CERK: variants seen among roughly 807,000 people sequenced by gnomAD.
CERK encodes ceramide kinase, also known as acylsphingosine kinase.
CERK carries 39 observed loss-of-function variants against 63.4 expected under a neutral mutation model. The ratio of observed to expected loss-of-function variants is 0.61; its 90% confidence interval spans 0.48 to 0.80. The LOEUF (loss-of-function observed/expected upper bound fraction) is 0.80. CERK is among the 30% of genes least tolerant of loss of function. The probability of loss-of-function intolerance (pLI) is 0.00; values close to 1 mark genes in which losing one functional copy is unlikely to be tolerated. For missense variants in CERK, 670 were observed against 714.1 expected (o/e 0.94, Z 0.70); for synonymous variants, 302 against 280.0 (o/e 1.08, Z -0.78).
chr22:46,717,262 A>G (rs1410350530), intron 3 of CERK, among the ~76,000 whole-genome samples: 3 of 152,142 alleles, frequency 2.0e-5, no homozygotes, highest in African/African-American at 7.2e-5. Flanking sequence ...CCTACAACCC[A>G]GCGACTCCAT....
At position 46,686,090 on chromosome 22, in the gene CERK, C is replaced by G. The variant is rs554098955; in HGVS notation, c.*1044G>C. ...TCCTCTGGTCGCCGGAGCCCTCGCG[C>G]TGCAGAGGAAACCAGCGATCCATCG... On this transcript the variant is annotated 3_prime_UTR_variant, in exon 13 of 13. Coordinates refer to ENST00000216264, the MANE Select transcript of CERK (RefSeq NM_022766.6). 3 of 152,294 alleles carry G rather than the reference C, an allele frequency of 2.0e-5. No homozygotes were observed. The South Asian group carries it at 6.2e-4, about 32-fold the overall frequency. The allele number at this position is 152,294 out of a possible 1,614,324, so 9.4% of individuals were successfully genotyped here. A position where few individuals can be genotyped will look rare whatever the true frequency, so the allele number is the denominator to read the frequency against.
At chr22:46,736,930 A>G (rs935101270) in intron 1 of CERK, among the ~76,000 whole-genome samples, 2 of 152,118 alleles carry the variant, frequency 1.3e-5, no homozygotes, top group Non-Finnish European at 2.9e-5. Context: ...GGCCTCCGCC[A>G]CACCCACCCC....
At chr22:46,731,203 G>A (rs1465601478) in intron 1 of CERK, among the ~76,000 whole-genome samples, 2 of 152,250 alleles carry the variant, frequency 1.3e-5, no homozygotes, top group Admixed American at 1.3e-4. Flanking sequence ...CACTGGCGAG[G>A]TGCCCCTTCC....
In CERK at chr22:46,691,520, G is replaced by A. The variant is rs376735288; in HGVS notation, c.1332+52C>T. ...TACAACACATAAACCAGGGACTGCT[G>A]GAACATAAATTACTCGCCAGTGGAG... On this transcript the variant is annotated intron_variant, in intron 11 of 12. Transcript: ENST00000216264. 1.1e-5 allele frequency: 16 copies of A among 1,450,328 alleles called. No individual in the cohort carries two copies. The African/African-American group carries it at 1.4e-4, about 13-fold the overall frequency. The allele number at this position is 1,450,328 out of a possible 1,614,324, so 89.8% of individuals were successfully genotyped here.
chr22:46,692,233 C>T (rs2146543441), intron 10 of CERK, among the ~76,000 whole-genome samples: 1 of 149,886 alleles, frequency 6.7e-6, no homozygotes, highest in Non-Finnish European at 1.5e-5. Context: ...TCGAGACCAG[C>T]CTGGCCAACA....
At chr22:46,691,874 T>A in intron 10 of CERK, 97 bp from the exon 11 acceptor site, 1 of 863,946 alleles carries the variant, frequency 1.2e-6, no homozygotes, top group African/African-American at 1.7e-5. Context: ...TCTCACCTGC[T>A]CATGCATTTA....
At position 46,694,995 on chromosome 22, in the gene CERK, C is replaced by T. The variant is rs945453076; in HGVS notation, c.1049+215G>A. 3.9e-5 allele frequency among the ~76,000 whole-genome samples: 6 copies of T among 152,374 alleles called. No homozygotes were observed. In the South Asian group the frequency reaches 8.3e-4, roughly 21 times the overall value. ...CCCAGAGTCCTCATCCCTGGCACAG[C>T]AGCAGCTGCCTGCGCAGGCCATGGG... On this transcript the variant is annotated intron_variant, in intron 9 of 12. Coordinates refer to ENST00000216264, the MANE Select transcript of CERK (RefSeq NM_022766.6).
At chr22:46,725,669 G>C (rs758113541) in intron 1 of CERK, among the ~76,000 whole-genome samples, 17 of 152,242 alleles carry the variant, frequency 1.1e-4, no homozygotes, top group Non-Finnish European at 2.5e-4. Context: ...ACAGTGACTC[G>C]TATTGACATG....
Position 46,693,467 on chromosome 22 carries a change from C to G in CERK, c.1086G>C (p.Glu362Asp). Residue 362 changes from glutamate to aspartate, a missense_variant, in exon 10 of 13, where the codon GAG becomes GAC. Glu to Asp is a conservative substitution (Grantham distance 45). Coordinates refer to ENST00000216264, the MANE Select transcript of CERK (RefSeq NM_022766.6). ...FVCRQSKQQL[E>D]EEQKKALYGL... ...CATACAGTGCTTTCTTCTGCTCCTC[C>G]TCCAGCTGCTGCTTGCTTTGCCTGC... The G allele has an allele frequency of 6.2e-6, 10 of 1,614,168 alleles. No homozygotes were observed. Among genetic ancestry groups the G allele is most frequent in the Non-Finnish European group, 8.5e-6 (10 of 1,180,028 alleles).
chr22:46,695,617 C>G (rs540136549), intron 8 of CERK, among the ~76,000 whole-genome samples: 2 of 152,370 alleles, frequency 1.3e-5, no homozygotes, highest in African/African-American at 2.4e-5. Flanking sequence ...TGCCATTAGC[C>G]ACCCCTCATA....
At chr22:46,732,334 A>G (rs796245289) in intron 1 of CERK, among the ~76,000 whole-genome samples, 4 of 151,388 alleles carry the variant, frequency 2.6e-5, no homozygotes, top group African/African-American at 7.3e-5. Context: ...GACCAGCTAC[A>G]GGTTCCTGAG....
chr22:46,689,408 T>C (rs938251584), intron 12 of CERK, among the ~76,000 whole-genome samples: 1 of 152,248 alleles, frequency 6.6e-6, no homozygotes, highest in Non-Finnish European at 1.5e-5. Context: ...TCTCGCTCTG[T>C]CACCAAGGCT....
At chr22:46,716,502 T>C (rs1223133269) in intron 3 of CERK, among the ~76,000 whole-genome samples, 1 of 139,476 alleles carries the variant, frequency 7.2e-6, no homozygotes, top group Admixed American at 6.9e-5. Context: ...AGACCCCGTC[T>C]CTTAAAAAAA....
intron 11 of CERK, among the ~76,000 whole-genome samples, chr22:46,690,805 T>C (rs889467970): frequency 6.6e-5 from 10 of 152,158 alleles, no homozygotes; most frequent in African/African-American, 2.2e-4. Context: ...AGAGTCTATT[T>C]TCAGTGGCCT....
At position 46,699,412 on chromosome 22, in the gene CERK, G is replaced by T. The variant is rs144409797; in HGVS notation, c.844C>A (p.Arg282Ser). ...TAGCCCAGCAGGGACACGGAGTAGC[G>T]AAGGAGTGTGCTGTTGTGGTGGACT... The part of the protein sequence containing the change: ...SSVHHNSTLL[R>S]YSVSLLGYGF... Residue 282 changes from arginine to serine, a missense_variant, in exon 8 of 13, where the codon CGC (arginine) becomes AGC (serine). Transcript: ENST00000216264. The T allele has an allele frequency of 6.2e-7, 1 of 1,614,130 alleles. No homozygotes were observed. Among genetic ancestry groups the T allele is most frequent in the East Asian group, 2.2e-5 (1 of 44,886 alleles).
intron 1 of CERK, among the ~76,000 whole-genome samples, chr22:46,733,685 A>T (rs1472364674): frequency 6.6e-6 from 1 of 151,914 alleles, no homozygotes; most frequent in African/African-American, 2.4e-5. Context: ...TTCTTTCTGG[A>T]TTCCATCTTG....
intron 9 of CERK, among the ~76,000 whole-genome samples, chr22:46,694,199 G>A (rs16868): frequency 0.23 from 35,433 of 151,922 alleles, 6,585 homozygotes; most frequent in African/African-American, 0.5. Flanking sequence ...TCACAAAGGC[G>A]CAGCTGTCTC....
Position 46,728,731 on chromosome 22 carries a change from G to A in CERK, c.143-7716C>T, listed in dbSNP as rs143286608. On this transcript the variant is annotated intron_variant, in intron 1 of 12. Coordinates refer to ENST00000216264, the MANE Select transcript of CERK (RefSeq NM_022766.6). ...ACCAGAGATCCACAGCAGCAGGCCCGCTGGCTGGAGAGGCCAGCGTGCAGA... is the reference window on the plus strand; with the variant it reads ...ACCAGAGATCCACAGCAGCAGGCCCACTGGCTGGAGAGGCCAGCGTGCAGA... Among the ~76,000 whole-genome samples, 35 of 152,368 alleles carry A rather than the reference G, an allele frequency of 2.3e-4. No homozygotes were observed. The East Asian group carries it at 4.8e-3, about 21-fold the overall frequency.
chr22:46,687,968 G>A (rs866984520), intron 12 of CERK, among the ~76,000 whole-genome samples: 1 of 152,160 alleles, frequency 6.6e-6, no homozygotes, highest in Non-Finnish European at 1.5e-5. Context: ...AGGTCCAGGC[G>A]GGCGGATCAC....
Sources: allele counts gnomAD v4.1 joint callset (sites outside exome capture counted in the v4.1 genomes callset), GRCh38; gene constraint gnomAD v4.1.1; transcripts MANE v1.5; gene names NCBI Gene and HGNC (gene_info 2026-07-23, HGNC 2026-07-21).